Variants in TTC28 observed in about 807,000 individuals in gnomAD.
TTC28 encodes tetratricopeptide repeat protein 28.
In TTC28, 61 loss-of-function variants were observed where a neutral mutation model predicts 198.0. The observed-to-expected ratio is 0.31, with a 90% CI of 0.25 to 0.38. The LOEUF (loss-of-function observed/expected upper bound fraction) is 0.38. Ranked by LOEUF, TTC28 falls within the 10% of genes least tolerant of loss-of-function variation. The probability of loss-of-function intolerance (pLI) is 1.00; values close to 1 mark genes in which losing one functional copy is unlikely to be tolerated. For synonymous variants in TTC28, 1,171 were observed against 1,297.8 expected, an observed-to-expected ratio of 0.90 and a Z score of 2.10; for missense variants, 2,678 against 3,164.0, an observed-to-expected ratio of 0.85 and a Z score of 3.69.
At chr22:28,170,326 A>C (rs1922533556) in intron 5 of TTC28, among the ~76,000 whole-genome samples, 1 of 151,446 alleles carries the variant, frequency 6.6e-6, no homozygotes, top group Non-Finnish European at 1.5e-5. Flanking sequence ...TCTCTATTAA[A>C]AATACAAAAA....
At chr22:28,447,588 C>T (rs528298098) in intron 2 of TTC28, among the ~76,000 whole-genome samples, 3 of 152,226 alleles carry the variant, frequency 2.0e-5, no homozygotes, top group Non-Finnish European at 2.9e-5. Context: ...TTTTTCTGAA[C>T]GCATCTGTGA....
intron 5 of TTC28, among the ~76,000 whole-genome samples, chr22:28,164,946 T>C (rs1447613133): frequency 6.6e-6 from 1 of 151,506 alleles, no homozygotes; most frequent in South Asian, 2.1e-4. Context: ...ACTAGACAAA[T>C]GGCTAACTAG....
At chr22:28,390,661 A>G (rs1441385060) in intron 2 of TTC28, among the ~76,000 whole-genome samples, 2 of 152,042 alleles carry the variant, frequency 1.3e-5, no homozygotes, top group Non-Finnish European at 2.9e-5. Context: ...GACTAGGATT[A>G]CAACCCCTGC....
At chr22:28,409,745 C>T (rs2047053662) in intron 2 of TTC28, among the ~76,000 whole-genome samples, 1 of 151,260 alleles carries the variant, frequency 6.6e-6, no homozygotes, top group Non-Finnish European at 1.5e-5. Context: ...CAACCTCCGC[C>T]TCCCGGGCTC....
chr22:28,481,315 A>C (rs537309034), intron 2 of TTC28, among the ~76,000 whole-genome samples: 8 of 152,320 alleles, frequency 5.3e-5, no homozygotes, highest in African/African-American at 1.9e-4. Context: ...TTACTGTTAG[A>C]TATTTCCCCA....
intron 2 of TTC28, among the ~76,000 whole-genome samples, chr22:28,605,985 G>A (rs188465097): frequency 3.5e-4 from 53 of 152,100 alleles, no homozygotes; most frequent in Non-Finnish European, 6.9e-4. Flanking sequence ...AATTTGGTAA[G>A]GCAATGTATG....
At chr22:28,537,728 A>C (rs2049326666) in intron 2 of TTC28, among the ~76,000 whole-genome samples, 2 of 152,348 alleles carry the variant, frequency 1.3e-5, no homozygotes, top group South Asian at 4.1e-4. Context: ...TTAACAGCAA[A>C]AGCTGGTTAA....
chr22:28,128,613 A>G (rs1030557930), intron 6 of TTC28, among the ~76,000 whole-genome samples: 7 of 152,086 alleles, frequency 4.6e-5, no homozygotes, highest in East Asian at 1.9e-4. Flanking sequence ...TCTCGGTTCA[A>G]TGCAACCACT....
At chr22:28,139,258 GAAT>G (rs1419182549) in intron 6 of TTC28, among the ~76,000 whole-genome samples, 1 of 152,116 alleles carries the variant, frequency 6.6e-6, no homozygotes, top group Non-Finnish European at 1.5e-5. Flanking sequence ...AGGGAAATAA[GAAT>G]AATGCATTAT....
chr22:28,392,091 G>A lies in TTC28; in HGVS notation c.382-85448C>T, dbSNP rs201153485. 9.9e-5 allele frequency among the ~76,000 whole-genome samples: 15 copies of A among 152,238 alleles called. No individual in the cohort carries two copies. In the East Asian group the frequency reaches 1.9e-3, roughly 20 times the overall value. On this transcript the variant is annotated intron_variant, in intron 2 of 22. Coordinates refer to ENST00000397906, the MANE Select transcript of TTC28 (RefSeq NM_001145418.2). ...GACCCTCAGCTGCAGGTCTGTTGGA[G>A]TACCTGGCTGTGTGAGGTGTCAGTC...
At chr22:28,196,586 T>C (rs1925357990) in intron 5 of TTC28, among the ~76,000 whole-genome samples, 1 of 151,782 alleles carries the variant, frequency 6.6e-6, no homozygotes, top group African/African-American at 2.4e-5. Context: ...TCCAACAAAT[T>C]TACAAGAAAA....
At chr22:28,582,125 A>C (rs1197104943) in intron 2 of TTC28, among the ~76,000 whole-genome samples, 3 of 152,178 alleles carry the variant, frequency 2.0e-5, no homozygotes, top group Admixed American at 6.5e-5. Context: ...ATGTTTTCAA[A>C]TTTATCTTAC....
intron 5 of TTC28, among the ~76,000 whole-genome samples, chr22:28,224,290 C>T (rs928142336): frequency 3.9e-5 from 6 of 152,156 alleles, no homozygotes; most frequent in Non-Finnish European, 8.8e-5. Flanking sequence ...TTCTGCATCC[C>T]TCACCAACTC....
In TTC28 at chr22:27,982,347, C is replaced by A. The variant is rs1279510513; in HGVS notation, c.7320G>T (p.Ser2440=). 1 of 1,545,200 alleles carries A rather than the reference C, an allele frequency of 6.5e-7. No homozygotes were observed. The change falls in exon 23 of 23, where the codon TCG becomes TCT. Residue 2440 remains serine, a synonymous_variant. Coordinates refer to ENST00000397906, the MANE Select transcript of TTC28 (RefSeq NM_001145418.2). The surrounding 1 kb of genome is among the most constrained non-coding windows in gnomAD (Gnocchi z 5.2). The stretch of plus-strand genomic sequence containing the variant: ...CGGCGGGCAGCGGCAGTGAGCCCAG[C>A]GAGGTGGTCTCGGTGCGCCAGTGTC... ...PNGHWRTETT[S]LGSLPLPAGP...
chr22:28,398,213 C>T (rs1325895347), intron 2 of TTC28, among the ~76,000 whole-genome samples: 1 of 152,198 alleles, frequency 6.6e-6, no homozygotes, highest in African/African-American at 2.4e-5. Context: ...CAAGTGGTTA[C>T]AGCAGCCCCA....
intron 2 of TTC28, among the ~76,000 whole-genome samples, chr22:28,478,594 C>T (rs1045403656): frequency 2.8e-5 from 4 of 143,126 alleles, no homozygotes; most frequent in African/African-American, 7.6e-5. Context: ...TACAAAATAA[C>T]ATGATGCCAA....
intron 5 of TTC28, among the ~76,000 whole-genome samples, chr22:28,257,456 C>A (rs777789956): frequency 1.9e-4 from 29 of 151,930 alleles, no homozygotes; most frequent in Middle Eastern, 6.8e-3. Context: ...TTTGCAGCAA[C>A]ATGGATACAA....
At chr22:28,547,871 A>G (rs962579128) in intron 2 of TTC28, among the ~76,000 whole-genome samples, 5 of 152,024 alleles carry the variant, frequency 3.3e-5, no homozygotes, top group Non-Finnish European at 7.4e-5. Context: ...AATACTCGCT[A>G]AAGATTAAAT....
At chr22:28,456,779 T>A (rs1339555017) in intron 2 of TTC28, among the ~76,000 whole-genome samples, 1 of 152,204 alleles carries the variant, frequency 6.6e-6, no homozygotes, top group South Asian at 2.1e-4. Context: ...TTTCACGATG[T>A]TGGCCAGGAT....
Sources: allele counts gnomAD v4.1 joint callset (sites outside exome capture counted in the v4.1 genomes callset), GRCh38; gene constraint gnomAD v4.1.1; non-coding constraint Gnocchi (gnomAD v3.1); transcripts MANE v1.5; gene names NCBI Gene and HGNC (gene_info 2026-07-23, HGNC 2026-07-21).